Variants in UBE4B observed in about 807,000 individuals in gnomAD.
UBE4B encodes the protein ubiquitin conjugation factor E4 B.
In UBE4B, 27 loss-of-function variants were observed where a neutral mutation model predicts 148.1. The observed-to-expected ratio is 0.18, with a 90% CI of 0.13 to 0.25. The LOEUF (loss-of-function observed/expected upper bound fraction) is 0.25, where lower values mean the gene tolerates loss of function less well. UBE4B is among the 10% of genes least tolerant of loss of function. UBE4B has a pLI of 1.00. For missense variants in UBE4B, 1,170 were observed against 1,662.4 expected, an observed-to-expected ratio of 0.70 and a Z score of 5.15; for synonymous variants, 596 against 619.3, an observed-to-expected ratio of 0.96 and a Z score of 0.56.
chr1:10,040,890 G>T (rs1477153746), intron 1 of UBE4B, among the ~76,000 whole-genome samples: 2 of 152,164 alleles, frequency 1.3e-5, no homozygotes, highest in African/African-American at 4.8e-5. Flanking sequence ...AAAGTGCTGG[G>T]ATTACCGGCG....
At chr1:10,107,551 AT>A (rs1364755258) in intron 7 of UBE4B, among the ~76,000 whole-genome samples, 4 of 148,704 alleles carry the variant, frequency 2.7e-5, no homozygotes, top group Admixed American at 6.7e-5. Context: ...ACATAGGAGA[AT>A]TTTCTTTTTT....
At chr1:10,103,145 A>G (rs919587445) in intron 5 of UBE4B, 53 bp downstream of exon 5, 1 of 1,510,384 alleles carries the variant, frequency 6.6e-7, no homozygotes, top group Admixed American at 1.9e-5. Flanking sequence ...AGAAAATAAG[A>G]TGTGAGATCT....
intron 17 of UBE4B, among the ~76,000 whole-genome samples, chr1:10,144,459 G>C (rs763724680): frequency 6.6e-6 from 1 of 152,100 alleles, no homozygotes; most frequent in African/African-American, 2.4e-5. Flanking sequence ...AATATGGCCC[G>C]ACGCAGTGGC....
intron 12 of UBE4B, 73 bp from the exon 13 acceptor site, chr1:10,130,427 G>A: frequency 1.0e-5 from 12 of 1,203,744 alleles, no homozygotes; most frequent in South Asian, 8.7e-5. Context: ...CAGAGGAGCT[G>A]GAGAGTTTTC....
intron 2 of UBE4B, among the ~76,000 whole-genome samples, chr1:10,083,473 A>G (rs1644716246): frequency 1.3e-5 from 2 of 152,226 alleles, no homozygotes; most frequent in Admixed American, 6.5e-5. Context: ...CCATTCTTTT[A>G]TGGTAAGTTG....
chr1:10,115,598 A>G (rs543729765), intron 7 of UBE4B, among the ~76,000 whole-genome samples: 69 of 152,274 alleles, frequency 4.5e-4, no homozygotes, highest in Admixed American at 1.2e-3. Flanking sequence ...TCCAAGGTCA[A>G]TTATGTGTAG....
intron 1 of UBE4B, among the ~76,000 whole-genome samples, chr1:10,061,241 G>A (rs1480241409): frequency 6.6e-6 from 1 of 152,046 alleles, no homozygotes; most frequent in Non-Finnish European, 1.5e-5. Context: ...CCACATTTCT[G>A]TAATTGTGCA....
intron 7 of UBE4B, among the ~76,000 whole-genome samples, chr1:10,111,449 G>T (rs550818218): frequency 6.6e-6 from 1 of 152,108 alleles, no homozygotes; most frequent in Admixed American, 6.6e-5. Flanking sequence ...CTCTCCTCAG[G>T]TCTATCAGAG....
rs1645126519 is a variant in UBE4B at position 10,107,158 on chromosome 1, A to G, written c.1196+575A>G. The G allele has an allele frequency of 4.7e-6, 6 of 1,284,118 alleles. No homozygotes were observed. In the South Asian group the frequency reaches 7.5e-5, roughly 16 times the overall value. 79.5% of individuals were successfully genotyped at this position (1,284,118 alleles called of 1,614,324 possible). On this transcript the variant is annotated intron_variant, in intron 7 of 27. Coordinates refer to ENST00000343090, the MANE Select transcript of UBE4B (RefSeq NM_001105562.3). ...TTATTTAAAAGGACAGCAGTTGCAA[A>G]AGCTTCTCCCCGTCTTGTTTTTTCT...
chr1:10,143,653 A>G (rs1469476618), intron 17 of UBE4B, among the ~76,000 whole-genome samples: 1 of 152,176 alleles, frequency 6.6e-6, no homozygotes, highest in Non-Finnish European at 1.5e-5. Flanking sequence ...GGATGCGACA[A>G]GTTTGGAGGA....
At chr1:10,105,019 G>C (rs1645082414) in intron 5 of UBE4B, among the ~76,000 whole-genome samples, 1 of 152,200 alleles carries the variant, frequency 6.6e-6, no homozygotes, top group Non-Finnish European at 1.5e-5. Context: ...GTGACTAGAT[G>C]TTGGACCCTT....
At chr1:10,151,751 CCATTCCACCTACTGG>C (rs1208250532) in intron 21 of UBE4B, among the ~76,000 whole-genome samples, 190 bp downstream of exon 21, 1 of 152,042 alleles carries the variant, frequency 6.6e-6, no homozygotes, top group East Asian at 1.9e-4. Flanking sequence ...AATAGGACAA[CCATTCCACCTACTGG>C]TCTCTGATGA....
chr1:10,067,676 G>A (rs1644412982), intron 1 of UBE4B, among the ~76,000 whole-genome samples: 1 of 151,202 alleles, frequency 6.6e-6, no homozygotes, highest in Non-Finnish European at 1.5e-5. Context: ...GGATTTTATG[G>A]CTCTCTGCAG....
intron 1 of UBE4B, among the ~76,000 whole-genome samples, chr1:10,043,421 CTTTTTTTTTTT>C (rs35513799): frequency 1.8e-5 from 2 of 110,854 alleles, no homozygotes; most frequent in Non-Finnish European, 3.6e-5. Flanking sequence ...TGAGATGCTG[CTTTTTTTTTTT>C]TTTTTTTTTT....
intron 2 of UBE4B, chr1:10,072,597 G>C: frequency 3.0e-6 from 2 of 671,750 alleles, no homozygotes; most frequent in Non-Finnish European, 5.4e-6. Context: ...TCTAATTGCA[G>C]ATTTCCTCGT....
At position 10,111,554 on chromosome 1, in the gene UBE4B, C is replaced by G. The variant is rs1311285856; in HGVS notation, c.1196+4971C>G. ...TTCTTCATCCGCCTGGTTCCGTGCA[C>G]TATTCCAGGACCTACAGCAGTGCCT... On this transcript the variant is annotated intron_variant, in intron 7 of 27. Transcript: ENST00000343090. 2.0e-5 allele frequency among the ~76,000 whole-genome samples: 3 copies of G among 152,200 alleles called. 1 individual carries two copies. The South Asian group carries it at 6.2e-4, about 31-fold the overall frequency.
At chr1:10,034,954 G>C (rs770766707) in intron 1 of UBE4B, among the ~76,000 whole-genome samples, 4 of 152,122 alleles carry the variant, frequency 2.6e-5, no homozygotes, top group Non-Finnish European at 5.9e-5. Context: ...CTTTCATTCG[G>C]TAGGAAATCT....
rs963848791 is a variant in UBE4B, at chr1:10,101,215, C to T, written c.435+20C>T. ...GATAAGGTTGGTAAGCGATGAAGCC[C>T]TTGGTACAGGTAATAGAAATAAACA... On this transcript the variant is annotated intron_variant, in intron 4 of 27. Transcript: ENST00000343090. The T allele has an allele frequency of 2.5e-6, 4 of 1,610,448 alleles. No homozygotes were observed. The highest frequency in any genetic ancestry group is 3.4e-6 in the Non-Finnish European group (4 of 1,176,764).
At chr1:10,141,407 C>T (rs1186219995) in intron 17 of UBE4B, among the ~76,000 whole-genome samples, 1 of 152,036 alleles carries the variant, frequency 6.6e-6, no homozygotes, top group Non-Finnish European at 1.5e-5. Context: ...TGAGCCAATC[C>T]GGTAACCTCT....
Sources: allele counts gnomAD v4.1 joint callset (sites outside exome capture counted in the v4.1 genomes callset), GRCh38; gene constraint gnomAD v4.1.1; transcripts MANE v1.5; gene names NCBI Gene and HGNC (gene_info 2026-07-23, HGNC 2026-07-21).